The following GALNT13 variants were observed in gnomAD, a reference collection of about 807,000 sequenced individuals.
The protein encoded by GALNT13 is UDP-GalNAc:polypeptide N-acetylgalactosaminyltransferase 13.
Under a neutral mutation model 64.2 loss-of-function variants are expected in GALNT13, and 28 were observed. That is an observed-to-expected ratio of 0.44 (90% CI 0.32 to 0.60). GALNT13 has a LOEUF of 0.60. GALNT13 is among the 20% of genes least tolerant of loss of function. GALNT13 has a pLI of 0.05. For synonymous variants in GALNT13, 214 were observed against 224.6 expected, an observed-to-expected ratio of 0.95 and a Z score of 0.42; for missense variants, 577 against 669.8, an observed-to-expected ratio of 0.86 and a Z score of 1.53.
At chr2:153,588,357 C>G in the GALNT13 span, among the ~76,000 whole-genome samples, 1 of 152,222 alleles carries the variant, frequency 6.6e-6, no homozygotes, top group Non-Finnish European at 1.5e-5. Flanking sequence ...GGGCACCGCC[C>G]CTGCAGCAAA....
chr2:153,492,123 G>A, the GALNT13 span, among the ~76,000 whole-genome samples: 1 of 152,316 alleles, frequency 6.6e-6, no homozygotes, highest in Admixed American at 6.5e-5. Context: ...CAGAATGATG[G>A]TAGTGGGTGG....
intron 3 of GALNT13, among the ~76,000 whole-genome samples, chr2:154,113,059 A>G (rs898595382): frequency 5.8e-4 from 88 of 152,330 alleles, no homozygotes; most frequent in Middle Eastern, 3.4e-3. Context: ...CATGATAGGC[A>G]GTACAGGTGG....
chr2:153,764,471 GGTTGCA>G, the GALNT13 span, among the ~76,000 whole-genome samples: 1 of 152,276 alleles, frequency 6.6e-6, no homozygotes, highest in South Asian at 2.1e-4. Context: ...GGGAGGTGGA[GGTTGCA>G]GTGAGCCAAG....
At chr2:153,955,766 C>CT (rs1692522343) in intron 3 of GALNT13, among the ~76,000 whole-genome samples, 1 of 151,566 alleles carries the variant, frequency 6.6e-6, no homozygotes, top group Non-Finnish European at 1.5e-5. Flanking sequence ...TGTTACAGCT[C>CT]TGGTGGGGTT....
chr2:154,078,167 A>G (rs1701088163), intron 3 of GALNT13, among the ~76,000 whole-genome samples: 4 of 151,508 alleles, frequency 2.6e-5, no homozygotes, highest in East Asian at 1.9e-4. Flanking sequence ...TTTGGAGGGT[A>G]TATTTTAACT....
At chr2:154,256,644 C>T (rs1335567612) in intron 7 of GALNT13, among the ~76,000 whole-genome samples, 2 of 152,082 alleles carry the variant, frequency 1.3e-5, no homozygotes, top group Non-Finnish European at 2.9e-5. Context: ...TCAATAACAA[C>T]AACAACAAAG....
At chr2:153,427,222 G>A in the GALNT13 span, among the ~76,000 whole-genome samples, 3 of 151,922 alleles carry the variant, frequency 2.0e-5, no homozygotes, top group Non-Finnish European at 4.4e-5. Context: ...AGTGTAATCA[G>A]GTTGACCAGG....
chr2:153,858,920 G>A, the GALNT13 span, among the ~76,000 whole-genome samples: 1 of 152,068 alleles, frequency 6.6e-6, no homozygotes, highest in African/African-American at 2.4e-5. Flanking sequence ...TTTTAGTAGA[G>A]ATGGGATTTC....
chr2:154,291,491 C>T (rs1692628397), intron 8 of GALNT13, among the ~76,000 whole-genome samples: 1 of 152,228 alleles, frequency 6.6e-6, no homozygotes, highest in East Asian at 1.9e-4. Context: ...CTCTCAATGG[C>T]ACTCGCTGGG....
At chr2:153,083,432 T>G in the GALNT13 span, among the ~76,000 whole-genome samples, 1 of 152,322 alleles carries the variant, frequency 6.6e-6, no homozygotes, top group African/African-American at 2.4e-5. Context: ...TTATGGCTAT[T>G]CTTGCAGGAG....
At chr2:154,082,118 A>T (rs1701300762) in intron 3 of GALNT13, among the ~76,000 whole-genome samples, 1 of 151,800 alleles carries the variant, frequency 6.6e-6, no homozygotes, top group Non-Finnish European at 1.5e-5. Context: ...TGGTTTTATG[A>T]TGTGTATTTT....
chr2:154,033,456 A>G (rs1324091510), intron 3 of GALNT13, among the ~76,000 whole-genome samples: 1 of 152,216 alleles, frequency 6.6e-6, no homozygotes, highest in East Asian at 1.9e-4. Context: ...AAGAACTCAT[A>G]CAACTCAATA....
At chr2:153,532,063 A>G in the GALNT13 span, among the ~76,000 whole-genome samples, 5 of 151,986 alleles carry the variant, frequency 3.3e-5, no homozygotes, top group Admixed American at 3.3e-4. Flanking sequence ...TTCTTCTCCC[A>G]GCTCCACTAA....
At chr2:154,411,360 A>ACACACACACACACAC (rs1699786656) in intron 11 of GALNT13, among the ~76,000 whole-genome samples, 1 of 150,224 alleles carries the variant, frequency 6.7e-6, no homozygotes, top group Non-Finnish European at 1.5e-5. Context: ...ACACACACAC[A>ACACACACACACACAC]AATGTTTTTG....
the GALNT13 span, among the ~76,000 whole-genome samples, chr2:153,367,575 A>G: frequency 6.6e-6 from 1 of 152,132 alleles, no homozygotes; most frequent in East Asian, 1.9e-4. Context: ...GGTGGCCTTT[A>G]GAAGCTGAAA....
the GALNT13 span, among the ~76,000 whole-genome samples, chr2:153,496,993 CAAAAAAAAAAA>C: frequency 2.2e-5 from 2 of 90,894 alleles, no homozygotes; most frequent in Non-Finnish European, 4.5e-5. Context: ...GATTTTGTCT[CAAAAAAAAAAA>C]AAAAAAAAAG....
intron 3 of GALNT13, among the ~76,000 whole-genome samples, chr2:154,097,238 C>T (rs1434673440): frequency 6.6e-6 from 1 of 151,976 alleles, no homozygotes; most frequent in African/African-American, 2.4e-5. Flanking sequence ...AGACCAGGAA[C>T]ATCTCTGTCC....
intron 4 of GALNT13, among the ~76,000 whole-genome samples, chr2:154,226,638 AATTTT>A (rs1296483023): frequency 2.0e-5 from 3 of 152,094 alleles, no homozygotes; most frequent in African/African-American, 7.2e-5. Context: ...ATATTTTTTA[AATTTT>A]ATTTTAGTAG....
At chr2:154,048,396 T>C (rs183281860) in intron 3 of GALNT13, among the ~76,000 whole-genome samples, 2 of 152,290 alleles carry the variant, frequency 1.3e-5, no homozygotes, top group East Asian at 3.9e-4. Context: ...CTACCCCCAG[T>C]TGAGAATCCC....
Sources: gnomAD v4.1 joint callset for allele counts (sites outside exome capture counted in the v4.1 genomes callset) on GRCh38, gnomAD v4.1.1 for gene constraint, MANE v1.5 for transcripts, NCBI Gene and HGNC (gene_info 2026-07-23, HGNC 2026-07-21) for gene names.